FUT9: variants seen among roughly 807,000 people sequenced by gnomAD.
FUT9 encodes the protein 4-galactosyl-N-acetylglucosaminide 3-alpha-L-fucosyltransferase 9.
FUT9 carries 15 observed loss-of-function variants against 29.7 expected under a neutral mutation model. That is an observed-to-expected ratio of 0.51 (90% CI 0.34 to 0.78). The LOEUF (loss-of-function observed/expected upper bound fraction) is 0.78. Ranked by LOEUF, FUT9 falls within the 30% of genes least tolerant of loss-of-function variation. FUT9 has a pLI of 0.01. For synonymous variants in FUT9, 169 were observed against 153.7 expected, an observed-to-expected ratio of 1.10 and a Z score of -0.74; for missense variants, 319 against 425.4, an observed-to-expected ratio of 0.75 and a Z score of 2.20.
intron 1 of FUT9, among the ~76,000 whole-genome samples, chr6:96,113,208 T>C (rs987915726): frequency 6.6e-6 from 1 of 152,162 alleles, no homozygotes; most frequent in South Asian, 2.1e-4. Flanking sequence ...TTAATGATAT[T>C]TCCCTTATTA....
intron 1 of FUT9, among the ~76,000 whole-genome samples, chr6:96,053,966 G>T (rs1461778635): frequency 6.6e-6 from 1 of 152,032 alleles, no homozygotes; most frequent in Non-Finnish European, 1.5e-5. Context: ...AATAAATCAG[G>T]TAAATCACAC....
chr6:96,050,004 T>A (rs980744644), intron 1 of FUT9, among the ~76,000 whole-genome samples: 1 of 152,140 alleles, frequency 6.6e-6, no homozygotes, highest in African/African-American at 2.4e-5. Context: ...TTTGTAGAAG[T>A]GGGTCTACCA....
chr6:96,129,314 A>G, intron 2 of FUT9, among the ~76,000 whole-genome samples: 1 of 145,918 alleles, frequency 6.9e-6, no homozygotes, highest in African/African-American at 2.5e-5. Flanking sequence ...CCATGGTGGC[A>G]TGTGCCTGTG....
rs542277315 is a variant in FUT9 at position 96,042,043 on chromosome 6, C to T, written c.-98+25831C>T. 1.4e-3 allele frequency among the ~76,000 whole-genome samples: 210 copies of T among 152,280 alleles called. 1 individual carries two copies. The highest frequency in any genetic ancestry group is 2.6e-3 in the Non-Finnish European group (174 of 68,026). On this transcript the variant is annotated intron_variant, in intron 1 of 2. Transcript: ENST00000302103. ...TACTTGCCTCTGGAATAGAAACCAT[C>T]CTATAACTTTCAGTTATTTCCAGAC...
At position 96,204,001 on chromosome 6, in the gene FUT9, A is replaced by T; in HGVS notation, c.846A>T (p.Pro282=). ...GGGAAAACTATGAGAATTATATTCC[A>T]GCAGATTCATTCATTCATGTGGAAG... ...PSRENYENYI[P]ADSFIHVEDY... The change falls in exon 3 of 3, where the codon CCA becomes CCT. Residue 282 remains proline (P), a synonymous_variant. Coordinates refer to ENST00000302103, the MANE Select transcript of FUT9 (RefSeq NM_006581.4). The T allele has an allele frequency of 1.2e-6, 2 of 1,610,518 alleles. No homozygotes were observed. Among genetic ancestry groups the T allele is most frequent in the Non-Finnish European group, 1.7e-6 (2 of 1,178,898 alleles).
intron 1 of FUT9, among the ~76,000 whole-genome samples, chr6:96,113,755 G>A (rs909386856): frequency 6.6e-5 from 10 of 151,414 alleles, no homozygotes; most frequent in Admixed American, 3.3e-4. Flanking sequence ...TCAGGAGGCT[G>A]AGGCCGGAGA....
intron 2 of FUT9, among the ~76,000 whole-genome samples, chr6:96,170,420 AT>A (rs1347047550): frequency 6.6e-6 from 1 of 152,126 alleles, no homozygotes; most frequent in Non-Finnish European, 1.5e-5. Flanking sequence ...AAACTGAAAA[AT>A]ATACCCATAT....
rs1157411086 is a variant in FUT9, at chr6:96,192,891, T to G, written c.-8-10257T>G. On this transcript the variant is annotated intron_variant, in intron 2 of 2. Coordinates refer to ENST00000302103, the MANE Select transcript of FUT9 (RefSeq NM_006581.4). ...TGGAATAGAACAGAGCCCTCCGAAA[T>G]AATGCTGCATATCTACAACTATCTA... Among the ~76,000 whole-genome samples the G allele has an allele frequency of 1.4e-3, 207 of 151,784 alleles. 1 individual carries two copies. Among genetic ancestry groups the G allele is most frequent in the African/African-American group, 4.8e-3 (199 of 41,448 alleles).
At chr6:96,092,298 A>G (rs1488306832) in intron 1 of FUT9, among the ~76,000 whole-genome samples, 2 of 152,186 alleles carry the variant, frequency 1.3e-5, no homozygotes, top group Non-Finnish European at 2.9e-5. Flanking sequence ...AGTCAATTGG[A>G]GAATGATACT....
intron 1 of FUT9, among the ~76,000 whole-genome samples, chr6:96,042,970 A>T (rs1331156227): frequency 6.6e-6 from 1 of 152,190 alleles, no homozygotes; most frequent in East Asian, 1.9e-4. Context: ...GGGTTTCTTG[A>T]CTAAATTTTT....
chr6:96,184,089 G>C (rs568362323), intron 2 of FUT9, among the ~76,000 whole-genome samples: 4 of 151,808 alleles, frequency 2.6e-5, no homozygotes, highest in Non-Finnish European at 5.9e-5. Context: ...TTGTTTTGTT[G>C]TTGGTAATTT....
chr6:96,029,692 C>T (rs548405590), intron 1 of FUT9, among the ~76,000 whole-genome samples: 7 of 151,406 alleles, frequency 4.6e-5, no homozygotes, highest in Non-Finnish European at 8.9e-5. Flanking sequence ...GAAAGAAAAA[C>T]GATTGTCAAA....
At chr6:96,046,469 A>T (rs979982783) in intron 1 of FUT9, among the ~76,000 whole-genome samples, 16 of 152,128 alleles carry the variant, frequency 1.1e-4, no homozygotes, top group South Asian at 2.1e-4. Flanking sequence ...TCTGCCTTAA[A>T]CTGTCCATTC....
At chr6:96,108,974 T>G (rs1221429782) in intron 1 of FUT9, among the ~76,000 whole-genome samples, 2 of 152,102 alleles carry the variant, frequency 1.3e-5, no homozygotes, top group Admixed American at 1.3e-4. Flanking sequence ...CTCTGTTACA[T>G]AGAAGACATT....
At chr6:96,072,333 A>G (rs1771076632) in intron 1 of FUT9, among the ~76,000 whole-genome samples, 1 of 152,208 alleles carries the variant, frequency 6.6e-6, no homozygotes, top group Non-Finnish European at 1.5e-5. Context: ...CTGATTATAA[A>G]TATGGAAAAT....
At chr6:96,179,880 G>T (rs1773274088) in intron 2 of FUT9, among the ~76,000 whole-genome samples, 1 of 152,022 alleles carries the variant, frequency 6.6e-6, no homozygotes, top group South Asian at 2.1e-4. Context: ...CAAAATAATT[G>T]TGCAGTAATT....
chr6:96,048,668 T>C (rs1222300367), intron 1 of FUT9, among the ~76,000 whole-genome samples: 1 of 152,204 alleles, frequency 6.6e-6, no homozygotes, highest in Non-Finnish European at 1.5e-5. Context: ...TGTATTCTCA[T>C]GGAACGGAAG....
chr6:96,034,304 T>C (rs1770315515), intron 1 of FUT9, among the ~76,000 whole-genome samples: 1 of 151,604 alleles, frequency 6.6e-6, no homozygotes. Context: ...TACTGAAAGA[T>C]AATTGCCTAT....
intron 1 of FUT9, among the ~76,000 whole-genome samples, chr6:96,050,627 C>A (rs779437829): frequency 1.6e-4 from 24 of 152,144 alleles, no homozygotes; most frequent in Non-Finnish European, 3.4e-4. Flanking sequence ...CTCAATGGGA[C>A]TTGGAAATAA....
Sources: gnomAD v4.1 joint callset for allele counts (sites outside exome capture counted in the v4.1 genomes callset) on GRCh38, gnomAD v4.1.1 for gene constraint, MANE v1.5 for transcripts, NCBI Gene and HGNC (gene_info 2026-07-23, HGNC 2026-07-21) for gene names.